CDKN2B-AS1: variants seen among roughly 807,000 people sequenced by gnomAD.
The protein encoded by CDKN2B-AS1 is CDKN2B antisense RNA 1 (non-protein coding).
Position 22,006,337 on chromosome 9 carries a change from A to C in CDKN2B-AS1, n.29+11176A>C. On this transcript the variant is annotated intron_variant and non_coding_transcript_variant, in intron 1 of 4. Transcript: ENST00000650946. This position sits in a 1 kb window ranked among gnomAD's most constrained non-coding sequence, Gnocchi z 6.4. Reference sequence around the variant, plus strand: ...CAAGGCAGGTGGAGCCATTTAAAGAAACACCTAATTGCAAAGTTTTCACCC... The same window carrying C: ...CAAGGCAGGTGGAGCCATTTAAAGACACACCTAATTGCAAAGTTTTCACCC... 1 of 1,550,782 alleles carries C rather than the reference A, an allele frequency of 6.4e-7. No individual in the cohort carries two copies. The highest frequency in any genetic ancestry group is 8.7e-7 in the Non-Finnish European group (1 of 1,146,912).
At chr9:22,068,204 A>T (rs1824142006) in intron 4 of CDKN2B-AS1, among the ~76,000 whole-genome samples, 1 of 152,190 alleles carries the variant, frequency 6.6e-6, no homozygotes, top group Non-Finnish European at 1.5e-5. Flanking sequence ...TTAATCAGAC[A>T]ACTCCACATA....
intron 1 of CDKN2B-AS1, among the ~76,000 whole-genome samples, chr9:22,014,558 A>G (rs947793989): frequency 1.3e-5 from 2 of 152,156 alleles, no homozygotes; most frequent in East Asian, 1.9e-4. Flanking sequence ...AGATTTTGAA[A>G]TGTATTTATA....
At chr9:22,026,970 T>A (rs1346558775) in intron 1 of CDKN2B-AS1, among the ~76,000 whole-genome samples, 1 of 152,178 alleles carries the variant, frequency 6.6e-6, no homozygotes, top group African/African-American at 2.4e-5. Flanking sequence ...ACTCCACGTC[T>A]TTCCCAAGTG....
intron 4 of CDKN2B-AS1, among the ~76,000 whole-genome samples, chr9:22,093,162 A>G (rs1159489488): frequency 2.0e-5 from 3 of 147,700 alleles, no homozygotes; most frequent in East Asian, 4.0e-4. Flanking sequence ...CTTGAGTTCT[A>G]GTTTGCACTG....
intron 4 of CDKN2B-AS1, among the ~76,000 whole-genome samples, chr9:22,083,646 C>T (rs1197895387): frequency 2.0e-5 from 3 of 152,088 alleles, no homozygotes; most frequent in African/African-American, 2.4e-5. Flanking sequence ...AACCACAGCT[C>T]GATCAGCCTA....
chr9:22,118,959 C>G (rs534210633), intron 4 of CDKN2B-AS1: 1 of 152,338 alleles, frequency 6.6e-6, no homozygotes, highest in East Asian at 1.9e-4. Context: ...ACCTGCCTAT[C>G]TGACCATTGT....
At position 21,999,461 on chromosome 9, in the gene CDKN2B-AS1, T is replaced by C. The variant is rs758238433; in HGVS notation, n.29+4300T>C. 6.6e-6 allele frequency among the ~76,000 whole-genome samples: 1 copy of C among 151,892 alleles called. No homozygotes were observed. Among genetic ancestry groups the C allele is most frequent in the South Asian group, 2.1e-4 (1 of 4,820 alleles). On this transcript the variant is annotated intron_variant and non_coding_transcript_variant, in intron 1 of 4. Coordinates refer to ENST00000650946, the Ensembl canonical transcript of CDKN2B-AS1. The surrounding 1 kb of genome is among the most constrained non-coding windows in gnomAD (Gnocchi z 4.7). ...ATACACATATGTACACACATATCTG[T>C]AAGTATGGGAAGATGTATACACATG...
chr9:22,048,644 C>A (rs578118353), intron 2 of CDKN2B-AS1, among the ~76,000 whole-genome samples: 1 of 152,222 alleles, frequency 6.6e-6, no homozygotes, highest in South Asian at 2.1e-4. Flanking sequence ...GATATCCAGT[C>A]ACCAATCCAA....
At chr9:22,099,219 A>G (rs972615083) in intron 4 of CDKN2B-AS1, among the ~76,000 whole-genome samples, 1 of 152,164 alleles carries the variant, frequency 6.6e-6, no homozygotes, top group Non-Finnish European at 1.5e-5. Context: ...AGGAATAGCC[A>G]ATAGCTGGGC....
At chr9:22,094,180 G>T (rs1825194955) in intron 4 of CDKN2B-AS1, among the ~76,000 whole-genome samples, 1 of 144,166 alleles carries the variant, frequency 6.9e-6, no homozygotes, top group African/African-American at 2.9e-5. Flanking sequence ...TTTCTACCGA[G>T]AGATCAGCTG....
intron 1 of CDKN2B-AS1, chr9:22,012,062 T>C: frequency 1.7e-6 from 1 of 598,050 alleles, no homozygotes; most frequent in Admixed American, 3.0e-5. Context: ...TTCTAGTTGG[T>C]GAAATTGTCT....
At chr9:22,116,913 G>A (rs1348412567) in intron 4 of CDKN2B-AS1, among the ~76,000 whole-genome samples, 2 of 152,186 alleles carry the variant, frequency 1.3e-5, no homozygotes, top group Admixed American at 6.5e-5. Context: ...GACTACAGAT[G>A]TACATGAAGA....
rs536877744 is a variant in CDKN2B-AS1 at position 22,067,992 on chromosome 9, A to C, written n.438+11605A>C. Among the ~76,000 whole-genome samples the C allele has an allele frequency of 5.3e-5, 8 of 152,304 alleles. No individual in the cohort carries two copies. In the South Asian group the frequency reaches 8.3e-4, roughly 16 times the overall value. ...CTTTTGTTTTCTGACTCAAGATAAC[A>C]ACAATAATTTATTGAGCACAAACCA... On this transcript the variant is annotated intron_variant and non_coding_transcript_variant, in intron 4 of 4. Transcript: ENST00000650946.
chr9:22,098,843 G>C (rs1327930171), intron 4 of CDKN2B-AS1, among the ~76,000 whole-genome samples: 1 of 152,150 alleles, frequency 6.6e-6, no homozygotes, highest in Admixed American at 6.5e-5. Context: ...CATTACTACA[G>C]ATGTGTTGAT....
intron 1 of CDKN2B-AS1, among the ~76,000 whole-genome samples, chr9:22,011,317 AG>A: frequency 6.6e-6 from 1 of 152,260 alleles, no homozygotes; most frequent in East Asian, 1.9e-4. Flanking sequence ...CTCTGTATAA[AG>A]AATATTATAT....
intron 1 of CDKN2B-AS1, among the ~76,000 whole-genome samples, chr9:22,034,476 A>G (rs998585088): frequency 1.3e-5 from 2 of 152,202 alleles, no homozygotes; most frequent in Non-Finnish European, 2.9e-5. Context: ...GAGATGAAGT[A>G]GTCAATAAAA....
intron 4 of CDKN2B-AS1, among the ~76,000 whole-genome samples, chr9:22,083,931 A>G (rs1246844132): frequency 2.6e-5 from 4 of 152,204 alleles, no homozygotes; most frequent in Admixed American, 2.6e-4. Flanking sequence ...AAAATACTCA[A>G]AACTTCAGTT....
Position 21,995,635 on chromosome 9 carries a change from A to G in CDKN2B-AS1, n.29+474A>G, listed in dbSNP as rs907295737. On this transcript the variant is annotated intron_variant and non_coding_transcript_variant, in intron 1 of 4. Transcript: ENST00000650946. This position sits in a 1 kb window ranked among gnomAD's most constrained non-coding sequence, Gnocchi z 5.7. Reference sequence around the variant, plus strand: ...ACAGGAAAAGCGGTCCTGTTTGGGAACAGTAAAAGCAGGGCAAGGAAAGGA... The same window carrying G: ...ACAGGAAAAGCGGTCCTGTTTGGGAGCAGTAAAAGCAGGGCAAGGAAAGGA... 3.3e-5 allele frequency: 5 copies of G among 152,808 alleles called. No homozygotes were observed. Among genetic ancestry groups the G allele is most frequent in the African/African-American group, 9.6e-5 (4 of 41,588 alleles). 9.5% of individuals were successfully genotyped at this position (152,808 alleles called of 1,614,324 possible). A position where few individuals can be genotyped will look rare whatever the true frequency, so the allele number is the denominator to read the frequency against.
chr9:22,017,365 A>C, intron 1 of CDKN2B-AS1, among the ~76,000 whole-genome samples: 1 of 152,216 alleles, frequency 6.6e-6, no homozygotes, highest in African/African-American at 2.4e-5. Context: ...AAGTCTGCCT[A>C]TATGGGTTAT....
Sources: allele counts gnomAD v4.1 joint callset (sites outside exome capture counted in the v4.1 genomes callset), GRCh38; gene constraint gnomAD v4.1.1; non-coding constraint Gnocchi (gnomAD v3.1); transcripts MANE v1.5; gene names NCBI Gene and HGNC (gene_info 2026-07-23, HGNC 2026-07-21).